KIAA2012: variants seen among roughly 807,000 people sequenced by gnomAD.
KIAA2012 encodes the protein KIAA2012.
KIAA2012 carries 125 observed loss-of-function variants against 150.6 expected under a neutral mutation model. That is an observed-to-expected ratio of 0.83 (90% CI 0.72 to 0.96). The LOEUF (loss-of-function observed/expected upper bound fraction) is 0.96, where lower values mean the gene tolerates loss of function less well. Ranked by LOEUF, KIAA2012 falls within the 40% of genes least tolerant of loss-of-function variation. The probability of loss-of-function intolerance (pLI) is 0.00; values close to 1 mark genes in which losing one functional copy is unlikely to be tolerated. For missense variants in KIAA2012, 1,219 were observed against 1,354.9 expected, an observed-to-expected ratio of 0.90 and a Z score of 1.57; for synonymous variants, 462 against 504.7, an observed-to-expected ratio of 0.92 and a Z score of 1.13.
rs1332761510 is a variant in KIAA2012, at chr2:202,194,318, G to A, written c.3143G>A (p.Arg1048Gln). ...QQQEEFRRKL[R>Q]ELQRKKQQEE... Reference sequence around the variant, plus strand: ...CAAGAGGAGTTTCGGAGGAAACTGCGAGAACTACAGAGAAAAAAGCAGCAG... The same window carrying A: ...CAAGAGGAGTTTCGGAGGAAACTGCAAGAACTACAGAGAAAAAAGCAGCAG... Residue 1048 changes from arginine (R) to glutamine (Q), a missense_variant, in exon 21 of 24, where the codon CGA becomes CAA. Physicochemically the swap from Arg to Gln is conservative, Grantham distance 43. Coordinates refer to ENST00000498697, the MANE Select transcript of KIAA2012 (RefSeq NM_001277372.4). 43 of 1,550,406 alleles carry A rather than the reference G, an allele frequency of 2.8e-5. No individual in the cohort carries two copies. Among genetic ancestry groups the A allele is most frequent in the Non-Finnish European group, 3.6e-5 (41 of 1,146,998 alleles).
intron 16 of KIAA2012, among the ~76,000 whole-genome samples, chr2:202,186,379 G>T (rs959035673): frequency 1.3e-5 from 2 of 152,192 alleles, no homozygotes; most frequent in Non-Finnish European, 2.9e-5. Context: ...GGACGTGGTG[G>T]TGGGCGCCTG....
chr2:202,190,232 G>C lies in KIAA2012; in HGVS notation c.2550G>C (p.Arg850Ser). The change falls in exon 19 of 24, where the codon AGG (arginine) becomes AGC (serine). Residue 850 changes from arginine to serine, a missense_variant. By Grantham distance (110) the Arg-to-Ser change is moderately radical. Coordinates refer to ENST00000498697, the MANE Select transcript of KIAA2012 (RefSeq NM_001277372.4). ...KKLEKKTRPQ[R>S]KRTQKERNLE... ...TAGAAAAAAAAACAAGACCCCAAAG[G>C]AAAAGGACACAGAAGGAAAGAAATC... is the stretch of plus-strand genomic sequence containing the variant. 2 of 1,539,018 alleles carry C rather than the reference G, an allele frequency of 1.3e-6. No individual in the cohort carries two copies. Among genetic ancestry groups the C allele is most frequent in the Non-Finnish European group, 1.7e-6 (2 of 1,144,392 alleles).
At chr2:202,138,915 A>G (rs1039617323) in intron 13 of KIAA2012, among the ~76,000 whole-genome samples, 2 of 152,188 alleles carry the variant, frequency 1.3e-5, no homozygotes, top group Non-Finnish European at 2.9e-5. Flanking sequence ...AGAAAGGAGG[A>G]TGGTGCTTCA....
chr2:202,126,556 C>T (rs907725557), intron 12 of KIAA2012, among the ~76,000 whole-genome samples: 1 of 150,380 alleles, frequency 6.6e-6, no homozygotes, highest in African/African-American at 2.4e-5. Flanking sequence ...CATTCTCATG[C>T]ATTGGTTAGA....
intron 12 of KIAA2012, among the ~76,000 whole-genome samples, chr2:202,132,747 A>ATAGTATATATGTATATATATAGTATATAT (rs373235755): frequency 1.4e-4 from 15 of 104,370 alleles, no homozygotes; most frequent in East Asian, 1.1e-3. Context: ...GTATATATAT[A>ATAGTATATATGTATATATATAGTATATAT]GTATATATGT....
chr2:202,109,217 T>G (rs1949675), intron 9 of KIAA2012, among the ~76,000 whole-genome samples: 130,164 of 152,178 alleles, frequency 0.86, 55,802 homozygotes, highest in African/African-American at 0.91. Context: ...AGGACTAGGG[T>G]TGGAAGGAGT....
chr2:202,135,293 G>A (rs1257650515), intron 12 of KIAA2012, among the ~76,000 whole-genome samples: 2 of 152,240 alleles, frequency 1.3e-5, no homozygotes, highest in East Asian at 3.8e-4. Flanking sequence ...CCTATAGTCT[G>A]TATAACCTGT....
chr2:202,196,402 A>G (rs1478590307), intron 21 of KIAA2012, among the ~76,000 whole-genome samples: 2 of 151,244 alleles, frequency 1.3e-5, no homozygotes, highest in East Asian at 1.9e-4. Context: ...TCGCCGTGTT[A>G]GCCAGGATGG....
chr2:202,189,011 G>A (rs1559233130), intron 18 of KIAA2012, among the ~76,000 whole-genome samples: 1 of 152,174 alleles, frequency 6.6e-6, no homozygotes, highest in Non-Finnish European at 1.5e-5. Context: ...ACACTCCTGA[G>A]TGAAACCTAT....
intron 2 of KIAA2012, among the ~76,000 whole-genome samples, chr2:202,081,543 CTTTTT>C (rs71025274): frequency 8.9e-6 from 1 of 112,760 alleles, no homozygotes; most frequent in Non-Finnish European, 1.9e-5. Flanking sequence ...TTTTTAAACA[CTTTTT>C]TTTTTTTTTT....
intron 11 of KIAA2012, chr2:202,116,229 C>G (rs1465084576): frequency 6.6e-6 from 1 of 152,152 alleles, no homozygotes. Flanking sequence ...AATTTAAATT[C>G]CTGGTCTCTT....
chr2:202,076,989 A>AC (rs1559194895), intron 2 of KIAA2012: 3 of 457,034 alleles, frequency 6.6e-6, no homozygotes, highest in Admixed American at 4.7e-5. Context: ...GAAGAGGAAG[A>AC]CCACAGTATT....
At chr2:202,116,342 G>C (rs1308206582) in intron 11 of KIAA2012, 3 of 151,912 alleles carry the variant, frequency 2.0e-5, no homozygotes, top group Non-Finnish European at 4.4e-5. Flanking sequence ...TTGCTCTGTC[G>C]CACAGGCTAG....
At chr2:202,123,441 G>T (rs755751569) in intron 11 of KIAA2012, among the ~76,000 whole-genome samples, 1 of 152,002 alleles carries the variant, frequency 6.6e-6, no homozygotes, top group Non-Finnish European at 1.5e-5. Context: ...TTCTTGAACC[G>T]TAGGGTCAAC....
chr2:202,192,519 G>A (rs1054128773), intron 19 of KIAA2012, among the ~76,000 whole-genome samples: 16 of 148,448 alleles, frequency 1.1e-4, no homozygotes, highest in South Asian at 4.2e-4. Flanking sequence ...GTGCAATGGC[G>A]CAATCTCGGC....
intron 2 of KIAA2012, among the ~76,000 whole-genome samples, chr2:202,081,758 G>C (rs1689456493): frequency 6.6e-6 from 1 of 151,968 alleles, no homozygotes; most frequent in African/African-American, 2.4e-5. Context: ...TGTTGGTCAG[G>C]CTGGTCTCGA....
At position 202,190,171 on chromosome 2, in the gene KIAA2012, C is replaced by G; in HGVS notation, c.2492-3C>G. ...ATCTCTATCCCCAATTGTTCTCCCC[C>G]AGGAAAGTCAAAGGACTCAAAGGCT... is the stretch of plus-strand genomic sequence containing the variant. On this transcript the variant is annotated splice_region_variant and splice_polypyrimidine_tract_variant and intron_variant, in intron 18 of 23. Coordinates refer to ENST00000498697, the MANE Select transcript of KIAA2012 (RefSeq NM_001277372.4). 2 of 1,512,896 alleles carry G rather than the reference C, an allele frequency of 1.3e-6. No individual in the cohort carries two copies. Among genetic ancestry groups the G allele is most frequent in the Non-Finnish European group, 1.8e-6 (2 of 1,136,208 alleles). The allele number at this position is 1,512,896 out of a possible 1,614,324, so 93.7% of individuals were successfully genotyped here.
chr2:202,172,548 A>G (rs1691917010), intron 15 of KIAA2012, among the ~76,000 whole-genome samples: 1 of 152,244 alleles, frequency 6.6e-6, no homozygotes, highest in Non-Finnish European at 1.5e-5. Flanking sequence ...TATTAAAACC[A>G]GGGTAACTGG....
intron 15 of KIAA2012, among the ~76,000 whole-genome samples, chr2:202,171,136 CACACAG>C (rs1465510140): frequency 1.4e-5 from 2 of 141,220 alleles, no homozygotes; most frequent in Non-Finnish European, 3.2e-5. Flanking sequence ...CACACACACA[CACACAG>C]ACATATACAC....
Sources: allele counts gnomAD v4.1 joint callset (sites outside exome capture counted in the v4.1 genomes callset), GRCh38; gene constraint gnomAD v4.1.1; transcripts MANE v1.5; gene names NCBI Gene and HGNC (gene_info 2026-07-23, HGNC 2026-07-21).